Variants in COL24A1 observed in about 807,000 individuals in gnomAD.
The protein encoded by COL24A1 is collagen type XXIV alpha 1 chain.
COL24A1 carries 224 observed loss-of-function variants against 253.9 expected under a neutral mutation model. The ratio of observed to expected loss-of-function variants is 0.88; its 90% CI spans 0.79 to 0.99. The LOEUF (loss-of-function observed/expected upper bound fraction) is 0.99, where lower values mean the gene tolerates loss of function less well. COL24A1 is among the 50% of genes least tolerant of loss of function. COL24A1 has a pLI of 0.00. For synonymous variants in COL24A1, 685 were observed against 673.7 expected, an observed-to-expected ratio of 1.02 and a Z score of -0.26; for missense variants, 2,131 against 2,068.5, an observed-to-expected ratio of 1.03 and a Z score of -0.59.
Position 85,853,913 on chromosome 1 carries a change from T to G in COL24A1, c.3301-4507A>C, listed in dbSNP as rs182152311. On this transcript the variant is annotated intron_variant, in intron 37 of 59. Coordinates refer to ENST00000370571, the MANE Select transcript of COL24A1 (RefSeq NM_152890.7). ...GCAAAAACTATCTCCTGTTCTTAGG[T>G]TGTCTGTTTACTCTTTTGACAGTTT... Among the ~76,000 whole-genome samples the G allele has an allele frequency of 2.1e-3, 315 of 152,294 alleles. 10 individuals carry two copies. The South Asian group carries it at 0.052, about 25-fold the overall frequency.
chr1:86,103,249 C>T (rs146651676), intron 5 of COL24A1, among the ~76,000 whole-genome samples: 1 of 151,932 alleles, frequency 6.6e-6, no homozygotes, highest in Non-Finnish European at 1.5e-5. Flanking sequence ...TTTTCTTTAT[C>T]TCTTTATTTT....
At chr1:85,882,120 G>T (rs1465285453) in intron 32 of COL24A1, among the ~76,000 whole-genome samples, 1 of 152,100 alleles carries the variant, frequency 6.6e-6, no homozygotes, top group Non-Finnish European at 1.5e-5. Context: ...AATGTTTTGG[G>T]ATTTTCCAGC....
chr1:86,100,029 C>T (rs1335575759), intron 5 of COL24A1, among the ~76,000 whole-genome samples: 1 of 152,022 alleles, frequency 6.6e-6, no homozygotes, highest in Non-Finnish European at 1.5e-5. Flanking sequence ...GACACATGCA[C>T]ACGTATGTTT....
chr1:85,768,571 TG>T (rs1413954520), intron 53 of COL24A1, among the ~76,000 whole-genome samples: 2 of 106,542 alleles, frequency 1.9e-5, no homozygotes, highest in Non-Finnish European at 4.1e-5. Flanking sequence ...TCTATGGCTT[TG>T]TTAGTTCTTT....
In COL24A1 at chr1:85,971,413, G is replaced by T; in HGVS notation, c.2365-20C>A. On this transcript the variant is annotated intron_variant, in intron 20 of 59. Transcript: ENST00000370571. ...GAGTCCCTATAAAAGCAATATAAAT[G>T]CACACAATAGAAATTTTAGATCAAC... 6.3e-7 allele frequency: 1 copy of T among 1,584,334 alleles called. No individual in the cohort carries two copies. Among genetic ancestry groups the T allele is most frequent in the Non-Finnish European group, 8.6e-7 (1 of 1,160,042 alleles).
intron 5 of COL24A1, among the ~76,000 whole-genome samples, chr1:86,109,359 T>C (rs973776912): frequency 6.6e-6 from 1 of 152,098 alleles, no homozygotes; most frequent in African/African-American, 2.4e-5. Flanking sequence ...ATCCTTGTTA[T>C]ATGCTATTAT....
At chr1:86,007,713 G>T (rs866122898) in intron 19 of COL24A1, among the ~76,000 whole-genome samples, 4 of 152,152 alleles carry the variant, frequency 2.6e-5, no homozygotes, top group South Asian at 2.1e-4. Context: ...ATCTAAAAAG[G>T]CTACATACTG....
chr1:85,819,732 C>G (rs1673412168), intron 45 of COL24A1, among the ~76,000 whole-genome samples: 1 of 151,904 alleles, frequency 6.6e-6, no homozygotes, highest in African/African-American at 2.4e-5. Flanking sequence ...TAAAGATCCT[C>G]AAGCTGGGGA....
chr1:85,917,175 A>G (rs2102978496), intron 24 of COL24A1, among the ~76,000 whole-genome samples: 1 of 152,346 alleles, frequency 6.6e-6, no homozygotes, highest in South Asian at 2.1e-4. Context: ...AAAACAGCAT[A>G]AATCCTTTTC....
At chr1:86,146,678 T>C (rs2102419966) in intron 1 of COL24A1, among the ~76,000 whole-genome samples, 1 of 152,154 alleles carries the variant, frequency 6.6e-6, no homozygotes, top group South Asian at 2.1e-4. Context: ...TTAATGGTTA[T>C]ATGTGAAAGC....
intron 28 of COL24A1, among the ~76,000 whole-genome samples, chr1:85,902,030 C>T (rs1047041653): frequency 2.0e-5 from 3 of 151,948 alleles, no homozygotes; most frequent in African/African-American, 7.3e-5. Context: ...TATATGTACA[C>T]AATGGAATAA....
chr1:85,845,968 G>GT (rs1357610011), intron 39 of COL24A1, among the ~76,000 whole-genome samples: 1 of 151,654 alleles, frequency 6.6e-6, no homozygotes, highest in Non-Finnish European at 1.5e-5. Flanking sequence ...GAATTATGAA[G>GT]TATTTGCCCT....
intron 43 of COL24A1, among the ~76,000 whole-genome samples, chr1:85,827,419 A>G (rs1482834909): frequency 1.3e-5 from 2 of 151,644 alleles, no homozygotes; most frequent in Non-Finnish European, 1.5e-5. Flanking sequence ...CGGCTTTGGT[A>G]TCAGGATGAT....
At chr1:85,894,540 G>C (rs1683455443) in intron 31 of COL24A1, among the ~76,000 whole-genome samples, 1 of 71,164 alleles carries the variant, frequency 1.4e-5, no homozygotes, top group South Asian at 4.5e-4. Flanking sequence ...TATTTCTCTG[G>C]GTCTCATTTT....
At chr1:85,998,842 T>G (rs961230539) in intron 19 of COL24A1, among the ~76,000 whole-genome samples, 1 of 152,226 alleles carries the variant, frequency 6.6e-6, no homozygotes, top group Non-Finnish European at 1.5e-5. Flanking sequence ...TCTAGCCCTC[T>G]TCTTGTCACC....
intron 35 of COL24A1, among the ~76,000 whole-genome samples, chr1:85,872,755 T>C (rs982385510): frequency 6.6e-6 from 1 of 152,214 alleles, no homozygotes; most frequent in African/African-American, 2.4e-5. Flanking sequence ...ACCTAGGCAT[T>C]ACCATTCAGG....
At chr1:85,868,911 G>T in intron 35 of COL24A1, 76 bp from the exon 36 acceptor site, 1 of 1,033,862 alleles carries the variant, frequency 9.7e-7, no homozygotes, top group Non-Finnish European at 1.4e-6. Context: ...TTAGCCCATA[G>T]TATATATGGA....
At chr1:86,114,519 A>G (rs1557681068) in intron 4 of COL24A1, among the ~76,000 whole-genome samples, 1 of 152,130 alleles carries the variant, frequency 6.6e-6, no homozygotes, top group Non-Finnish European at 1.5e-5. Flanking sequence ...AGAAGGGGCT[A>G]TGGAAGAAAT....
intron 12 of COL24A1, among the ~76,000 whole-genome samples, chr1:86,043,309 G>A (rs991793165): frequency 6.6e-5 from 10 of 151,348 alleles, no homozygotes; most frequent in African/African-American, 9.7e-5. Context: ...AAAACATATC[G>A]TGTACCTAAT....
Sources: gnomAD v4.1 joint callset for allele counts (sites outside exome capture counted in the v4.1 genomes callset) on GRCh38, gnomAD v4.1.1 for gene constraint, MANE v1.5 for transcripts, NCBI Gene and HGNC (gene_info 2026-07-23, HGNC 2026-07-21) for gene names.